The following COL8A1 variants were observed in gnomAD, a reference collection of about 807,000 sequenced individuals.
COL8A1 encodes the protein collagen type VIII alpha 1 chain, also known as collagen alpha-1(VIII) chain.
A neutral mutation model predicts 42.7 loss-of-function variants in COL8A1; 21 were observed. The ratio of observed to expected loss-of-function variants is 0.49; its 90% CI spans 0.35 to 0.71. The LOEUF is 0.71. COL8A1 is among the 30% of genes least tolerant of loss of function. The probability of loss-of-function intolerance (pLI) is 0.01; values close to 1 mark genes in which losing one functional copy is unlikely to be tolerated. For missense variants in COL8A1, 788 were observed against 962.4 expected (o/e 0.82, Z 2.40); for synonymous variants, 367 against 369.1 (o/e 0.99, Z 0.06).
intron 1 of COL8A1, among the ~76,000 whole-genome samples, chr3:99,664,864 T>C (rs1576420180): frequency 6.6e-6 from 1 of 152,338 alleles, no homozygotes; most frequent in East Asian, 1.9e-4. Flanking sequence ...AAGTGGGAGT[T>C]CTTTGGAGAA....
chr3:99,649,038 C>A (rs1360366911), intron 1 of COL8A1, among the ~76,000 whole-genome samples: 2 of 152,026 alleles, frequency 1.3e-5, no homozygotes, highest in Non-Finnish European at 2.9e-5. Flanking sequence ...TGCTTTTTGG[C>A]TTTTGTTCTT....
chr3:99,785,997 G>T (rs1941887003), intron 2 of COL8A1, among the ~76,000 whole-genome samples: 2 of 151,910 alleles, frequency 1.3e-5, no homozygotes, highest in Admixed American at 1.3e-4. Context: ...TTCAAAATGA[G>T]GTCAGGCATG....
intron 1 of COL8A1, among the ~76,000 whole-genome samples, chr3:99,713,854 C>T (rs1011221959): frequency 3.9e-5 from 6 of 152,010 alleles, no homozygotes; most frequent in Non-Finnish European, 5.9e-5. Context: ...CAAGAGGAGC[C>T]AACTTGCCCC....
At chr3:99,639,800 C>T (rs1005760282) in intron 1 of COL8A1, among the ~76,000 whole-genome samples, 1 of 152,162 alleles carries the variant, frequency 6.6e-6, no homozygotes, top group Non-Finnish European at 1.5e-5. Flanking sequence ...GGGAATTGCT[C>T]AAGACCACTT....
At position 99,722,862 on chromosome 3, in the gene COL8A1, C is replaced by T. The variant is rs146566046; in HGVS notation, c.-128-22035C>T. Among the ~76,000 whole-genome samples the T allele has an allele frequency of 5.1e-3, 780 of 152,026 alleles. 7 individuals carry two copies. Among genetic ancestry groups the T allele is most frequent in the African/African-American group, 0.018 (729 of 41,462 alleles). On this transcript the variant is annotated intron_variant, in intron 1 of 3. Transcript: ENST00000652472. ...TAGACTATTATGATTTAATAAATAA[C>T]GTCGATTGGAACTAGAGAAACAGAA...
intron 2 of COL8A1, among the ~76,000 whole-genome samples, chr3:99,771,803 T>C (rs1227419334): frequency 6.6e-6 from 1 of 152,178 alleles, no homozygotes; most frequent in Non-Finnish European, 1.5e-5. Context: ...CTCTGTAGGA[T>C]GAGGTGTCCA....
At position 99,679,956 on chromosome 3, in the gene COL8A1, T is replaced by C. The variant is rs1483349026; in HGVS notation, c.-129+41292T>C. ...TTACTTCAACCATCTAGGTTGAGGT[T>C]TTCCAGTAATTCTAGGTCAGCAATT... On this transcript the variant is annotated intron_variant, in intron 1 of 3. Transcript: ENST00000652472. The C allele has an allele frequency of 2.0e-5, 3 of 152,336 alleles. No individual in the cohort carries two copies. In the East Asian group the frequency reaches 5.8e-4, roughly 29 times the overall value. The allele number at this position is 152,336 out of a possible 1,614,324, so 9.4% of individuals were successfully genotyped here.
chr3:99,723,637 A>G (rs1320907635), intron 1 of COL8A1, among the ~76,000 whole-genome samples: 1 of 152,136 alleles, frequency 6.6e-6, no homozygotes, highest in East Asian at 1.9e-4. Context: ...CCTGCTTACT[A>G]CAATTTTTAT....
At chr3:99,677,219 CTG>C (rs1246274987) in intron 1 of COL8A1, among the ~76,000 whole-genome samples, 2 of 151,922 alleles carry the variant, frequency 1.3e-5, no homozygotes, top group African/African-American at 4.8e-5. Context: ...CAAGAAATGA[CTG>C]TTTTAAGAGT....
intron 1 of COL8A1, among the ~76,000 whole-genome samples, chr3:99,738,225 C>T (rs1200588396): frequency 6.6e-6 from 1 of 152,232 alleles, no homozygotes; most frequent in Non-Finnish European, 1.5e-5. Flanking sequence ...TCTCTCAGCT[C>T]CTCAAAGTCA....
intron 1 of COL8A1, among the ~76,000 whole-genome samples, chr3:99,719,407 C>A (rs1354640093): frequency 6.6e-6 from 1 of 152,064 alleles, no homozygotes; most frequent in African/African-American, 2.4e-5. Flanking sequence ...TAAGAAATTT[C>A]ATTTACTCCT....
At chr3:99,768,861 G>A (rs1219807529) in intron 2 of COL8A1, among the ~76,000 whole-genome samples, 1 of 152,178 alleles carries the variant, frequency 6.6e-6, no homozygotes, top group African/African-American at 2.4e-5. Flanking sequence ...AATAGGTAAA[G>A]GTTAATCTTA....
intron 1 of COL8A1, among the ~76,000 whole-genome samples, chr3:99,723,519 G>C (rs1420862973): frequency 6.6e-6 from 1 of 152,128 alleles, no homozygotes; most frequent in Non-Finnish European, 1.5e-5. Context: ...GCATATGGTA[G>C]TTGGTTATAA....
chr3:99,661,760 A>G (rs1938212969), intron 1 of COL8A1, among the ~76,000 whole-genome samples: 1 of 152,232 alleles, frequency 6.6e-6, no homozygotes, highest in East Asian at 1.9e-4. Flanking sequence ...AAAATGTGGC[A>G]TATATATTGT....
At chr3:99,746,832 T>C (rs558930834) in intron 2 of COL8A1, among the ~76,000 whole-genome samples, 1 of 152,324 alleles carries the variant, frequency 6.6e-6, no homozygotes, top group East Asian at 1.9e-4. Context: ...GATAAGTTTG[T>C]CAGTGAAAAT....
At chr3:99,793,105 C>T (rs757990498) in intron 3 of COL8A1, among the ~76,000 whole-genome samples, 3 of 152,022 alleles carry the variant, frequency 2.0e-5, no homozygotes, top group African/African-American at 7.2e-5. Context: ...ATGGTGGTTA[C>T]CAGAGGCCTT....
chr3:99,680,012 A>G (rs978683554), intron 1 of COL8A1: 1 of 151,896 alleles, frequency 6.6e-6, no homozygotes, highest in Non-Finnish European at 1.5e-5. Context: ...TTTTTTTATT[A>G]TACTTTAAGT....
intron 1 of COL8A1, among the ~76,000 whole-genome samples, chr3:99,643,401 A>G (rs1189466864): frequency 6.6e-6 from 1 of 152,208 alleles, no homozygotes; most frequent in African/African-American, 2.4e-5. Flanking sequence ...CCAGCCCAGG[A>G]TATGGTACAT....
intron 1 of COL8A1, among the ~76,000 whole-genome samples, chr3:99,650,305 G>A (rs684701): frequency 0.94 from 143,453 of 152,266 alleles, 68,173 homozygotes; most frequent in East Asian, 1. Context: ...TGTCACCTAT[G>A]CACTGTATTG....
Sources: gnomAD v4.1 joint callset for allele counts (sites outside exome capture counted in the v4.1 genomes callset) on GRCh38, gnomAD v4.1.1 for gene constraint, MANE v1.5 for transcripts, NCBI Gene and HGNC (gene_info 2026-07-23, HGNC 2026-07-21) for gene names.